The following TRIM2 variants were observed in gnomAD, a reference collection of about 807,000 sequenced individuals.
TRIM2 encodes the protein tripartite motif-containing protein 2.
In TRIM2, 20 loss-of-function variants were observed where a neutral mutation model predicts 75.2. The observed-to-expected ratio is 0.27, with a 90% CI of 0.19 to 0.39. The LOEUF is 0.39. Among genes scored for constraint, TRIM2 ranks in the 10% least tolerant of loss-of-function variants. TRIM2 has a pLI of 1.00. For synonymous variants in TRIM2, 373 were observed against 388.3 expected, an observed-to-expected ratio of 0.96 and a Z score of 0.46; for missense variants, 660 against 990.8, an observed-to-expected ratio of 0.67 and a Z score of 4.48.
rs895189975 is a variant in TRIM2, at chr4:153,244,121, ATCTTCT to A, written c.31-26197_31-26192del. ...ACACATGAGCTACTGTGCCACTGCC[ATCTTCT>A]TCTTCTTCTTCTTCTTGTTCTTCTT... On this transcript the variant is annotated intron_variant, in intron 1 of 11. Transcript: ENST00000338700. 1.3e-4 allele frequency among the ~76,000 whole-genome samples: 19 copies of A among 145,826 alleles called. No homozygotes were observed. The East Asian group carries it at 2.2e-3, about 17-fold the overall frequency.
chr4:153,208,005 G>A (rs981910428), intron 1 of TRIM2, among the ~76,000 whole-genome samples: 3 of 152,176 alleles, frequency 2.0e-5, no homozygotes, highest in Non-Finnish European at 4.4e-5. Context: ...GGTTTGAAAA[G>A]TTCACTTCTG....
At chr4:153,292,181 T>C (rs963982004) in intron 3 of TRIM2, among the ~76,000 whole-genome samples, 2 of 152,214 alleles carry the variant, frequency 1.3e-5, no homozygotes, top group African/African-American at 4.8e-5. Context: ...CAGTGGAATT[T>C]TCCACAGGCT....
intron 1 of TRIM2, among the ~76,000 whole-genome samples, chr4:153,266,262 CG>C (rs1755034315): frequency 6.6e-6 from 1 of 151,964 alleles, no homozygotes; most frequent in Non-Finnish European, 1.5e-5. Context: ...CTTGACCTCC[CG>C]AGCTCAAGCA....
Position 153,224,693 on chromosome 4 carries a change from G to A in TRIM2, c.30+20133G>A, listed in dbSNP as rs1449008794. 2.6e-5 allele frequency among the ~76,000 whole-genome samples: 4 copies of A among 152,062 alleles called. No individual in the cohort carries two copies. The East Asian group carries it at 7.7e-4, about 29-fold the overall frequency. ...TCTATGTCGATTAAATCCTCCACTA[G>A]AAATTCCATTGTATCTGTCAAAAAT... On this transcript the variant is annotated intron_variant, in intron 1 of 11. Coordinates refer to ENST00000338700, the MANE Select transcript of TRIM2 (RefSeq NM_015271.5).
At chr4:153,244,406 TTCTTCTTCTTCTTCTTCTTC>T (rs1748311749) in intron 1 of TRIM2, among the ~76,000 whole-genome samples, 1 of 89,556 alleles carries the variant, frequency 1.1e-5, no homozygotes, top group Admixed American at 1.2e-4. Flanking sequence ...CTTCTTCTTC[TTCTTCTTCTTCTTCTTCTTC>T]TTCTTCTTCT....
chr4:153,334,016 C>T (rs1361727618), intron 11 of TRIM2, among the ~76,000 whole-genome samples: 3 of 151,724 alleles, frequency 2.0e-5, no homozygotes, highest in African/African-American at 7.3e-5. Context: ...TCTACTGTCT[C>T]ATTGCTATTA....
chr4:153,263,069 G>T (rs575767310), intron 1 of TRIM2, among the ~76,000 whole-genome samples: 2 of 152,138 alleles, frequency 1.3e-5, no homozygotes, highest in African/African-American at 4.8e-5. Context: ...GGTGGTTCAC[G>T]CCTGTAATCC....
At chr4:153,307,291 G>A (rs1356872155) in intron 6 of TRIM2, among the ~76,000 whole-genome samples, 1 of 152,130 alleles carries the variant, frequency 6.6e-6, no homozygotes, top group Non-Finnish European at 1.5e-5. Flanking sequence ...AGAATTACAG[G>A]TGAATAGTCT....
chr4:153,307,453 T>A (rs570130794), intron 6 of TRIM2, among the ~76,000 whole-genome samples: 10 of 152,238 alleles, frequency 6.6e-5, no homozygotes, highest in African/African-American at 1.4e-4. Flanking sequence ...AAATATATAT[T>A]TTTTTACTTG....
chr4:153,243,898 A>AG (rs1267518087), intron 1 of TRIM2, among the ~76,000 whole-genome samples: 1 of 142,300 alleles, frequency 7.0e-6, no homozygotes, highest in Non-Finnish European at 1.5e-5. Context: ...TGCTTGCTGC[A>AG]GCCTCAACCT....
intron 1 of TRIM2, among the ~76,000 whole-genome samples, chr4:153,156,533 G>A (rs566986453): frequency 2.4e-4 from 36 of 152,274 alleles, no homozygotes; most frequent in African/African-American, 8.2e-4. Context: ...GGGTGAGTGG[G>A]GTTCAGGAGG....
chr4:153,244,182 C>G (rs13132303), intron 1 of TRIM2, among the ~76,000 whole-genome samples: 50 of 93,058 alleles, frequency 5.4e-4, no homozygotes, highest in African/African-American at 1.9e-3. Flanking sequence ...TTCTTCTTCT[C>G]CTCCTTCTTC....
chr4:153,265,496 G>T (rs531773667), intron 1 of TRIM2, among the ~76,000 whole-genome samples: 2 of 151,846 alleles, frequency 1.3e-5, no homozygotes, highest in Admixed American at 1.3e-4. Context: ...GGCGCCTGCC[G>T]CCACGCCTGA....
chr4:153,230,975 G>A (rs1254757286), intron 1 of TRIM2, among the ~76,000 whole-genome samples: 1 of 152,176 alleles, frequency 6.6e-6, no homozygotes, highest in Non-Finnish European at 1.5e-5. Flanking sequence ...TCCCTGAGAG[G>A]TAACATCTTA....
intron 1 of TRIM2, among the ~76,000 whole-genome samples, chr4:153,239,235 C>A (rs1011891851): frequency 6.6e-6 from 1 of 151,964 alleles, no homozygotes; most frequent in African/African-American, 2.4e-5. Context: ...ACCTGTAGTC[C>A]CAGCTACTCG....
At chr4:153,224,815 TGGAA>T (rs2149778548) in intron 1 of TRIM2, among the ~76,000 whole-genome samples, 1 of 152,354 alleles carries the variant, frequency 6.6e-6, no homozygotes, top group South Asian at 2.1e-4. Context: ...TAAATACAAA[TGGAA>T]GGAAGTTGTT....
intron 6 of TRIM2, among the ~76,000 whole-genome samples, chr4:153,312,048 A>C (rs538202753): frequency 6.7e-6 from 1 of 149,090 alleles, no homozygotes; most frequent in Non-Finnish European, 1.5e-5. Flanking sequence ...ATATCTCCCA[A>C]TGCTATCCCT....
chr4:153,192,967 C>T (rs1560799712), intron 1 of TRIM2, among the ~76,000 whole-genome samples: 1 of 152,222 alleles, frequency 6.6e-6, no homozygotes, highest in East Asian at 1.9e-4. Flanking sequence ...TTTATTTTTC[C>T]TGGCAGCACT....
intron 8 of TRIM2, among the ~76,000 whole-genome samples, chr4:153,321,073 G>A (rs1017537579): frequency 6.6e-6 from 1 of 152,108 alleles, no homozygotes; most frequent in African/African-American, 2.4e-5. Flanking sequence ...GTGGTCCTTC[G>A]CCTTCCTTGT....
Sources: allele counts gnomAD v4.1 joint callset (sites outside exome capture counted in the v4.1 genomes callset), GRCh38; gene constraint gnomAD v4.1.1; transcripts MANE v1.5; gene names NCBI Gene and HGNC (gene_info 2026-07-23, HGNC 2026-07-21).